Variants in DCDC2C observed in about 807,000 individuals in gnomAD.
The protein encoded by DCDC2C is doublecortin domain containing 2C.
In DCDC2C, 44 loss-of-function variants were observed where a neutral mutation model predicts 45.0. The ratio of observed to expected loss-of-function variants is 0.98; its 90% CI spans 0.77 to 1.26. The LOEUF is 1.26. Among genes scored for constraint, DCDC2C ranks in the 50% most tolerant of loss-of-function variants. The pLI, the probability that DCDC2C is intolerant of heterozygous loss-of-function variation, is 0.00. For missense variants in DCDC2C, 447 were observed against 468.9 expected (o/e 0.95, Z 0.43); for synonymous variants, 187 against 178.8 (o/e 1.05, Z -0.37).
chr2:3,765,789 T>C (rs1558216211), intron 6 of DCDC2C, among the ~76,000 whole-genome samples: 1 of 152,044 alleles, frequency 6.6e-6, no homozygotes, highest in Non-Finnish European at 1.5e-5. Flanking sequence ...CATCAATAAA[T>C]TGTCTGTGGA....
rs550229257 is a variant in DCDC2C at position 3,847,839 on chromosome 2, G to A, written c.*656G>A. On this transcript the variant is annotated 3_prime_UTR_variant, in exon 11 of 11. Coordinates refer to ENST00000399143, the MANE Select transcript of DCDC2C (RefSeq NM_001287444.2). ...CCGAGATCCAGTTGTTTAAAAGTGT[G>A]TAGCACTTCCCCCTTCACTCTCTCT... is the stretch of plus-strand genomic sequence containing the variant. 9.2e-5 allele frequency among the ~76,000 whole-genome samples: 14 copies of A among 152,216 alleles called. No homozygotes were observed. In the South Asian group the frequency reaches 2.9e-3, roughly 32 times the overall value.
At chr2:3,748,260 C>G (rs1191666731) in intron 4 of DCDC2C, among the ~76,000 whole-genome samples, 1 of 151,758 alleles carries the variant, frequency 6.6e-6, no homozygotes, top group Non-Finnish European at 1.5e-5. Flanking sequence ...CTGGGGGAGA[C>G]CACAGTGGCT....
chr2:3,737,935 G>A (rs1572573473), intron 3 of DCDC2C, among the ~76,000 whole-genome samples: 1 of 152,258 alleles, frequency 6.6e-6, no homozygotes, highest in East Asian at 1.9e-4. Context: ...CATTGACAAA[G>A]TAGTTTTATG....
chr2:3,727,750 G>A (rs1392059746), intron 3 of DCDC2C, among the ~76,000 whole-genome samples: 2 of 152,194 alleles, frequency 1.3e-5, no homozygotes, highest in South Asian at 2.1e-4. Context: ...TTTACATCCC[G>A]GCTTTTCGTC....
In DCDC2C at chr2:3,712,488, C is replaced by CA. The variant is rs34271207; in HGVS notation, c.339+3906dup. On this transcript the variant is annotated intron_variant, in intron 2 of 10. Coordinates refer to ENST00000399143, the MANE Select transcript of DCDC2C (RefSeq NM_001287444.2). ...CTAGACCAGCAAGACCCTATCTCTA[C>CA]AAAAAAAAAAAAAAAAAATTATCCA... Among the ~76,000 whole-genome samples, 882 of 114,986 alleles carry CA rather than the reference C, an allele frequency of 7.7e-3. 11 individuals are homozygous for CA. The East Asian group carries it at 0.085, about 11-fold the overall frequency. 75.4% of individuals were successfully genotyped at this position (114,986 alleles called of 152,430 possible).
chr2:3,844,361 TC>T (rs1220610845), intron 10 of DCDC2C: 1 of 139,668 alleles, frequency 7.2e-6, no homozygotes, highest in African/African-American at 2.7e-5. Flanking sequence ...ACAGCTGTCC[TC>T]AGGACAGCCA....
intron 10 of DCDC2C, among the ~76,000 whole-genome samples, chr2:3,840,414 G>A (rs1672183990): frequency 6.6e-6 from 1 of 152,214 alleles, no homozygotes; most frequent in Non-Finnish European, 1.5e-5. Flanking sequence ...AGTAAAATAT[G>A]CTTTTCGGCG....
chr2:3,724,656 C>T (rs368835240), intron 2 of DCDC2C, among the ~76,000 whole-genome samples: 51 of 152,120 alleles, frequency 3.4e-4, no homozygotes, highest in African/African-American at 1.2e-3. Context: ...TGGTTTGTCT[C>T]GTGGTTTTGT....
intron 1 of DCDC2C, among the ~76,000 whole-genome samples, chr2:3,707,729 C>T (rs1042199451): frequency 6.6e-6 from 1 of 152,210 alleles, no homozygotes; most frequent in African/African-American, 2.4e-5. Context: ...CCACCAGTCC[C>T]TGAGACCACC....
At chr2:3,757,254 T>C (rs1305608525) in intron 6 of DCDC2C, among the ~76,000 whole-genome samples, 1 of 152,180 alleles carries the variant, frequency 6.6e-6, no homozygotes, top group Non-Finnish European at 1.5e-5. Context: ...TTTATCTATT[T>C]TCTATGTGAA....
chr2:3,810,992 A>G (rs911721441), intron 10 of DCDC2C, among the ~76,000 whole-genome samples: 3 of 152,098 alleles, frequency 2.0e-5, no homozygotes, highest in Non-Finnish European at 4.4e-5. Context: ...GCCTTGTAGT[A>G]TAGTTTGAAG....
intron 3 of DCDC2C, among the ~76,000 whole-genome samples, chr2:3,732,597 A>G (rs1668904522): frequency 6.6e-6 from 1 of 152,158 alleles, no homozygotes; most frequent in African/African-American, 2.4e-5. Context: ...AACTGTGTAA[A>G]GGCTGATCAA....
In DCDC2C at chr2:3,703,648, G is replaced by T. The variant is rs1667934624; in HGVS notation, c.-104G>T. The T allele has an allele frequency of 2.7e-6, 3 of 1,107,644 alleles. No homozygotes were observed. Among genetic ancestry groups the T allele is most frequent in the South Asian group, 4.5e-5 (1 of 22,040 alleles). The allele number at this position is 1,107,644 out of a possible 1,614,324, so 68.6% of individuals were successfully genotyped here. ...CCGTCCTGCGCCAGCGGCTGGAGCG[G>T]ACCTCCCGTCGGCGGTGCCCGGGCC... On this transcript the variant is annotated 5_prime_UTR_variant, in exon 1 of 11. Transcript: ENST00000399143. The surrounding 1 kb of genome is among the most constrained non-coding windows in gnomAD (Gnocchi z 4.4).
intron 4 of DCDC2C, among the ~76,000 whole-genome samples, chr2:3,750,008 C>T (rs1038165552): frequency 6.6e-6 from 1 of 151,782 alleles, no homozygotes; most frequent in Non-Finnish European, 1.5e-5. Flanking sequence ...CTACCCCCCT[C>T]CACCCCAAGC....
chr2:3,798,697 C>T (rs1443974604), intron 10 of DCDC2C, among the ~76,000 whole-genome samples: 132 of 151,538 alleles, frequency 8.7e-4, no homozygotes, highest in Non-Finnish European at 1.6e-3. Flanking sequence ...TGAATATTGG[C>T]CCCCACTCTC....
At chr2:3,735,574 A>G (rs73142827) in intron 3 of DCDC2C, among the ~76,000 whole-genome samples, 125 of 152,194 alleles carry the variant, frequency 8.2e-4, no homozygotes, top group African/African-American at 2.8e-3. Flanking sequence ...CCCGCATCAG[A>G]TTTGCACTTA....
chr2:3,711,198 T>C (rs1262996265), intron 2 of DCDC2C, among the ~76,000 whole-genome samples: 1 of 151,966 alleles, frequency 6.6e-6, no homozygotes, highest in East Asian at 1.9e-4. Flanking sequence ...GGTGGGAGGG[T>C]AAATTAGTTC....
chr2:3,797,284 T>C (rs1174430616), intron 10 of DCDC2C, among the ~76,000 whole-genome samples: 13 of 152,264 alleles, frequency 8.5e-5, no homozygotes, highest in East Asian at 1.9e-4. Flanking sequence ...GTCTTGCTAG[T>C]GGTCTATCAA....
intron 10 of DCDC2C, among the ~76,000 whole-genome samples, chr2:3,794,476 T>C (rs1670904370): frequency 6.6e-6 from 1 of 152,226 alleles, no homozygotes; most frequent in African/African-American, 2.4e-5. Flanking sequence ...TAACTCGTCA[T>C]CTAGCATTAG....
Sources: allele counts gnomAD v4.1 joint callset (sites outside exome capture counted in the v4.1 genomes callset), GRCh38; gene constraint gnomAD v4.1.1; non-coding constraint Gnocchi (gnomAD v3.1); transcripts MANE v1.5; gene names NCBI Gene and HGNC (gene_info 2026-07-23, HGNC 2026-07-21).